KHDRBS2: variants seen among roughly 807,000 people sequenced by gnomAD.
The protein encoded by KHDRBS2 is KH RNA binding domain containing, signal transduction associated 2.
In KHDRBS2, 26 loss-of-function variants were observed where a neutral mutation model predicts 44.3. The ratio of observed to expected loss-of-function variants is 0.59; its 90% confidence interval spans 0.43 to 0.81. The LOEUF (loss-of-function observed/expected upper bound fraction) is 0.81. Ranked by LOEUF, KHDRBS2 falls within the 40% of genes least tolerant of loss-of-function variation. KHDRBS2 has a pLI of 0.00. For missense variants in KHDRBS2, 476 were observed against 433.1 expected, an observed-to-expected ratio of 1.10 and a Z score of -0.88; for synonymous variants, 194 against 151.1, an observed-to-expected ratio of 1.28 and a Z score of -2.08.
At chr6:61,623,036 A>C in the KHDRBS2 span, among the ~76,000 whole-genome samples, 1 of 152,096 alleles carries the variant, frequency 6.6e-6, no homozygotes, top group African/African-American at 2.4e-5. Context: ...TTGACTTGCA[A>C]GAAATTATGG....
chr6:62,197,224 T>G (rs938332280), intron 1 of KHDRBS2, among the ~76,000 whole-genome samples: 24 of 152,110 alleles, frequency 1.6e-4, no homozygotes, highest in Admixed American at 5.2e-4. Context: ...CAGTCTTATG[T>G]AGTCCCTAAA....
chr6:61,700,085 G>A lies in KHDRBS2; in HGVS notation c.894-2832C>T, dbSNP rs142432394. Among the ~76,000 whole-genome samples the A allele has an allele frequency of 5.5e-4, 84 of 151,930 alleles. 1 individual carries two copies. In the East Asian group the frequency reaches 9.2e-3, roughly 17 times the overall value. ...TAAATGATTAAGAGGTGGACTTCAT[G>A]AGAAAATAATTTAACAAGCAGCAGT... On this transcript the variant is annotated intron_variant, in intron 7 of 8. Coordinates refer to ENST00000281156, the MANE Select transcript of KHDRBS2 (RefSeq NM_152688.4).
At chr6:61,684,007 TC>T (rs1429442984) in intron 8 of KHDRBS2, among the ~76,000 whole-genome samples, 1 of 151,986 alleles carries the variant, frequency 6.6e-6, no homozygotes, top group Non-Finnish European at 1.5e-5. Context: ...GTTTACATGT[TC>T]TTGGTAACAA....
downstream of KHDRBS2, among the ~76,000 whole-genome samples, chr6:61,675,053 A>G (rs553146408): frequency 4.6e-5 from 7 of 151,920 alleles, no homozygotes; most frequent in African/African-American, 1.4e-4. Context: ...GTTTGAATTA[A>G]TCTCTTCCAG....
chr6:61,609,914 C>T, the KHDRBS2 span, among the ~76,000 whole-genome samples: 5 of 152,086 alleles, frequency 3.3e-5, no homozygotes, highest in Non-Finnish European at 7.4e-5. Context: ...TGGCTCACGC[C>T]TAAAATCCCA....
intron 6 of KHDRBS2, among the ~76,000 whole-genome samples, chr6:61,836,395 T>C (rs937863393): frequency 3.9e-5 from 6 of 151,990 alleles, no homozygotes; most frequent in Admixed American, 1.3e-4. Flanking sequence ...GCAGGTACTA[T>C]TGGATGGATC....
At position 62,286,166 on chromosome 6, in the gene KHDRBS2, T is replaced by C. The variant is rs1047450832; in HGVS notation, c.-218A>G. The C allele has an allele frequency of 3.5e-5, 19 of 548,818 alleles. No individual in the cohort carries two copies. The highest frequency in any genetic ancestry group is 1.8e-4 in the Admixed American group (5 of 27,472). 34.0% of individuals were successfully genotyped at this position (548,818 alleles called of 1,614,324 possible). A position where few individuals can be genotyped will look rare whatever the true frequency, so the allele number is the denominator to read the frequency against. ...ACCTGCCCGTCCCTTCCGTCGTCCC[T>C]CGCTCGCGCAGAGCCCCGGCTCACA... On this transcript the variant is annotated 5_prime_UTR_variant, in exon 1 of 9. Coordinates refer to ENST00000281156, the MANE Select transcript of KHDRBS2 (RefSeq NM_152688.4).
chr6:62,085,600 A>AACAAAAT (rs1240399005), intron 2 of KHDRBS2, among the ~76,000 whole-genome samples: 1 of 152,158 alleles, frequency 6.6e-6, no homozygotes, highest in African/African-American at 2.4e-5. Context: ...ATTAAGCACA[A>AACAAAAT]ACAAAATGCT....
At chr6:62,107,011 C>T (rs1430943213) in intron 2 of KHDRBS2, among the ~76,000 whole-genome samples, 1 of 152,086 alleles carries the variant, frequency 6.6e-6, no homozygotes, top group South Asian at 2.1e-4. Context: ...AAACTGGAAA[C>T]ACTCCCTTTG....
intron 1 of KHDRBS2, among the ~76,000 whole-genome samples, chr6:62,263,671 T>C (rs2150183219): frequency 6.6e-6 from 1 of 151,876 alleles, no homozygotes; most frequent in Non-Finnish European, 1.5e-5. Flanking sequence ...ATGCTTTGTG[T>C]TTCTTATAAA....
chr6:61,740,935 C>CACTGACAATGGACAA (rs1487403584), intron 6 of KHDRBS2, among the ~76,000 whole-genome samples: 37 of 151,942 alleles, frequency 2.4e-4, no homozygotes, highest in African/African-American at 8.7e-4. Flanking sequence ...CACCATTGTC[C>CACTGACAATGGACAA]ACTGAGAAGA....
chr6:61,955,183 T>C (rs1385628519), intron 4 of KHDRBS2, among the ~76,000 whole-genome samples: 8 of 145,308 alleles, frequency 5.5e-5, no homozygotes, highest in Non-Finnish European at 1.1e-4. Context: ...TATATACACA[T>C]ACGTTTGTAT....
chr6:62,040,649 C>T (rs923054036), intron 3 of KHDRBS2, among the ~76,000 whole-genome samples: 1 of 152,068 alleles, frequency 6.6e-6, no homozygotes, highest in Non-Finnish European at 1.5e-5. Context: ...TAGGACTGCC[C>T]ACTGGCACCT....
At chr6:61,872,422 A>C (rs1237792900) in intron 6 of KHDRBS2, among the ~76,000 whole-genome samples, 2 of 152,152 alleles carry the variant, frequency 1.3e-5, no homozygotes, top group African/African-American at 4.8e-5. Context: ...AATAAGAAAT[A>C]TTTCTGGATA....
chr6:62,134,627 C>G (rs1177686046), intron 2 of KHDRBS2, among the ~76,000 whole-genome samples: 1 of 152,154 alleles, frequency 6.6e-6, no homozygotes, highest in African/African-American at 2.4e-5. Context: ...GCCACAGACA[C>G]TCAATGCCAG....
At chr6:61,993,984 C>A (rs1261671655) in intron 3 of KHDRBS2, among the ~76,000 whole-genome samples, 1 of 151,886 alleles carries the variant, frequency 6.6e-6, no homozygotes, top group African/African-American at 2.4e-5. Context: ...CCTCATATAA[C>A]AAAATAGAAA....
At chr6:61,555,254 C>A in the KHDRBS2 span, among the ~76,000 whole-genome samples, 2 of 151,984 alleles carry the variant, frequency 1.3e-5, no homozygotes, top group African/African-American at 4.8e-5. Context: ...TTTCAGAAAA[C>A]AGGTTTGGAG....
the KHDRBS2 span, among the ~76,000 whole-genome samples, chr6:61,544,352 A>G: frequency 0.024 from 3,710 of 152,198 alleles, 70 homozygotes; most frequent in Middle Eastern, 0.085. Flanking sequence ...CACCTTAACT[A>G]AGAGTCTTAT....
chr6:61,993,749 A>T (rs1776636734), intron 3 of KHDRBS2, among the ~76,000 whole-genome samples: 1 of 148,088 alleles, frequency 6.8e-6, no homozygotes, highest in African/African-American at 2.5e-5. Context: ...TCTGAAAAGA[A>T]AAATGAATGT....
Sources: allele counts gnomAD v4.1 joint callset (sites outside exome capture counted in the v4.1 genomes callset), GRCh38; gene constraint gnomAD v4.1.1; transcripts MANE v1.5; gene names NCBI Gene and HGNC (gene_info 2026-07-23, HGNC 2026-07-21).